CTNNAL1: variants seen among roughly 807,000 people sequenced by gnomAD.
CTNNAL1 encodes alpha-catulin.
CTNNAL1 carries 69 observed loss-of-function variants against 93.6 expected under a neutral mutation model. The observed-to-expected ratio is 0.74, with a 90% CI of 0.61 to 0.90. The LOEUF (loss-of-function observed/expected upper bound fraction) is 0.90. CTNNAL1 is among the 40% of genes least tolerant of loss of function. The probability of loss-of-function intolerance (pLI) is 0.00; values close to 1 mark genes in which losing one functional copy is unlikely to be tolerated. For missense variants in CTNNAL1, 836 were observed against 862.0 expected (o/e 0.97, Z 0.38); for synonymous variants, 286 against 305.4 (o/e 0.94, Z 0.66).
At chr9:108,978,319 G>C (rs953225464) in intron 7 of CTNNAL1, among the ~76,000 whole-genome samples, 1 of 152,210 alleles carries the variant, frequency 6.6e-6, no homozygotes. Flanking sequence ...GTGATGCCAA[G>C]AAAACATCAG....
At chr9:109,003,436 G>C (rs1388788781) in intron 1 of CTNNAL1, among the ~76,000 whole-genome samples, 4 of 152,182 alleles carry the variant, frequency 2.6e-5, no homozygotes, top group African/African-American at 9.7e-5. Flanking sequence ...TCCATAAGCA[G>C]GGAACAGGCT....
intron 1 of CTNNAL1, among the ~76,000 whole-genome samples, chr9:109,008,152 C>CTTTTTTTT (rs149753320): frequency 5.4e-4 from 46 of 85,298 alleles, no homozygotes; most frequent in Non-Finnish European, 6.5e-4. Context: ...ATCCATCTTT[C>CTTTTTTTT]TTTTTTTTTT....
chr9:108,972,864 G>GCCCCCCCCCCC, intron 8 of CTNNAL1, 31 bp from the exon 9 acceptor site: 31 of 142,388 alleles, frequency 2.2e-4, no homozygotes, highest in Non-Finnish European at 2.8e-4. Context: ...GGGGGGGTGG[G>GCCCCCCCCCCC]AGGGTGGAGA....
intron 2 of CTNNAL1, among the ~76,000 whole-genome samples, chr9:108,994,197 C>G (rs1281918856): frequency 2.0e-5 from 3 of 151,546 alleles, no homozygotes; most frequent in Non-Finnish European, 4.4e-5. Flanking sequence ...CGCCACTGCA[C>G]TTCAGCCTGG....
chr9:108,974,969 C>G (rs565274025), intron 8 of CTNNAL1, among the ~76,000 whole-genome samples: 23 of 152,132 alleles, frequency 1.5e-4, no homozygotes, highest in Non-Finnish European at 2.8e-4. Context: ...TTGAGACCAG[C>G]CTGGCCAACA....
chr9:108,952,158 C>A (rs1319292923), intron 14 of CTNNAL1, 51 bp downstream of exon 14: 3 of 1,471,422 alleles, frequency 2.0e-6, no homozygotes, highest in African/African-American at 2.9e-5. Flanking sequence ...TTTTTCTTTA[C>A]ACCAGATATC....
chr9:108,978,810 T>C (rs1287311573), intron 7 of CTNNAL1, among the ~76,000 whole-genome samples: 1 of 152,214 alleles, frequency 6.6e-6, no homozygotes, highest in Non-Finnish European at 1.5e-5. Flanking sequence ...TCATTGAATC[T>C]ACACCCCAAT....
At chr9:108,992,942 C>A in intron 2 of CTNNAL1, 123 bp from the exon 3 acceptor site, 1 of 1,071,450 alleles carries the variant, frequency 9.3e-7, no homozygotes. Context: ...ACTTCAGGAA[C>A]AAGAAACGGT....
In CTNNAL1 at chr9:108,943,718, A is replaced by G; in HGVS notation, c.2040T>C (p.Asn680=). The G allele has an allele frequency of 1.2e-6, 2 of 1,611,628 alleles. No homozygotes were observed. The highest frequency in any genetic ancestry group is 2.2e-5 in the East Asian group (1 of 44,828). ...LQTVTKTSLQ[N]KVFLKVDKCI... ...TCTCTTTTACCTTTAGAAATACTTT[A>G]TTCTGCAAAGAAGTCTTAGTTACTG... Residue 680 remains asparagine (N), a synonymous_variant, in exon 17 of 19, where the codon AAT becomes AAC. Transcript: ENST00000325551.
chr9:108,986,873 T>C (rs1478136000), intron 4 of CTNNAL1, among the ~76,000 whole-genome samples: 2 of 151,932 alleles, frequency 1.3e-5, no homozygotes, highest in Non-Finnish European at 2.9e-5. Flanking sequence ...TTTGATGGGG[T>C]TGTTTGTTTT....
Position 108,965,396 on chromosome 9 carries a change from C to G in CTNNAL1, c.1573G>C (p.Val525Leu). 6.7e-7 allele frequency: 1 copy of G among 1,496,422 alleles called. No individual in the cohort carries two copies. Among genetic ancestry groups the G allele is most frequent in the Non-Finnish European group, 9.0e-7 (1 of 1,117,236 alleles). The allele number at this position is 1,496,422 out of a possible 1,614,324, so 92.7% of individuals were successfully genotyped here. The change falls in exon 11 of 19, where the codon GTG becomes CTG. Residue 525 changes from valine to leucine, a missense_variant. Transcript: ENST00000325551. ...TTCTCACCTCGTCTTCCTTCAAACA[C>G]GTCATTGATTTCTCTCAGCAGTGTT... is the stretch of plus-strand genomic sequence containing the variant. Reference protein sequence around the residue: ...MSTLLREINDVFEGRRGEKYG... With the variant: ...MSTLLREINDLFEGRRGEKYG...
At chr9:108,963,421 G>A (rs1458987753) in intron 11 of CTNNAL1, 2 of 152,282 alleles carry the variant, frequency 1.3e-5, no homozygotes, top group Non-Finnish European at 2.9e-5. Flanking sequence ...TACAAGTAAT[G>A]AAAACTCAGC....
At chr9:108,952,172 A>G (rs1457508462) in intron 14 of CTNNAL1, 37 bp downstream of exon 14, 1 of 1,549,498 alleles carries the variant, frequency 6.5e-7, no homozygotes, top group African/African-American at 1.4e-5. Context: ...AGATATCATT[A>G]TACTGATTTA....
At chr9:108,962,523 G>C (rs1208250972) in intron 11 of CTNNAL1, among the ~76,000 whole-genome samples, 1 of 152,158 alleles carries the variant, frequency 6.6e-6, no homozygotes, top group African/African-American at 2.4e-5. Context: ...TTGGAGAAGG[G>C]ATGAGCTTCA....
At chr9:108,962,317 T>A (rs1055514017) in intron 11 of CTNNAL1, among the ~76,000 whole-genome samples, 1 of 152,202 alleles carries the variant, frequency 6.6e-6, no homozygotes, top group African/African-American at 2.4e-5. Flanking sequence ...TGAAGGATCA[T>A]GTTTACAATT....
chr9:108,983,292 G>C lies in CTNNAL1; in HGVS notation c.753C>G (p.Cys251Trp). The change falls in exon 6 of 19, where the codon TGC becomes TGG. Residue 251 changes from cysteine (C) to tryptophan (W), a missense_variant. Coordinates refer to ENST00000325551, the MANE Select transcript of CTNNAL1 (RefSeq NM_003798.4). Reference protein sequence around the residue: ...ASKTCLRHPNCESAHKNKEGV... With the variant: ...ASKTCLRHPNWESAHKNKEGV... ...CTTCTTTGTTTTTATGGGCTGATTC[G>C]CAGTTAGGATGCCTCAGACATGTCT... The C allele has an allele frequency of 6.4e-7, 1 of 1,554,166 alleles. No homozygotes were observed. The highest frequency in any genetic ancestry group is 1.3e-5 in the South Asian group (1 of 79,914).
chr9:108,955,163 T>A (rs1830660923), intron 12 of CTNNAL1, among the ~76,000 whole-genome samples: 1 of 151,996 alleles, frequency 6.6e-6, no homozygotes, highest in African/African-American at 2.4e-5. Flanking sequence ...TTTTTGTATT[T>A]TTAGTAGAGA....
intron 1 of CTNNAL1, among the ~76,000 whole-genome samples, chr9:109,008,648 T>C (rs1183149058): frequency 6.6e-6 from 1 of 152,216 alleles, no homozygotes; most frequent in Non-Finnish European, 1.5e-5. Flanking sequence ...TTTTAGCTTG[T>C]AGTTCATTGA....
intron 15 of CTNNAL1, 86 bp from the exon 16 acceptor site, chr9:108,944,104 G>C (rs971901018): frequency 1.5e-6 from 2 of 1,300,226 alleles, no homozygotes; most frequent in Admixed American, 2.3e-5. Context: ...TTTTTACGTA[G>C]AATTTTAAAA....
Sources: gnomAD v4.1 joint callset for allele counts (sites outside exome capture counted in the v4.1 genomes callset) on GRCh38, gnomAD v4.1.1 for gene constraint, MANE v1.5 for transcripts, NCBI Gene and HGNC (gene_info 2026-07-23, HGNC 2026-07-21) for gene names.